Variants in THSD7A observed in about 807,000 individuals in gnomAD.
THSD7A encodes the protein thrombospondin type-1 domain-containing protein 7A.
Under a neutral mutation model 231.3 loss-of-function variants are expected in THSD7A, and 96 were observed. The observed-to-expected ratio is 0.41, with a 90% CI of 0.35 to 0.49. THSD7A has a LOEUF of 0.49. Ranked by LOEUF, THSD7A falls within the 20% of genes least tolerant of loss-of-function variation. The pLI is 0.05. For missense variants in THSD7A, 2,290 were observed against 2,070.2 expected (o/e 1.11, Z -2.06); for synonymous variants, 940 against 743.3 (o/e 1.26, Z -4.30).
intron 6 of THSD7A, among the ~76,000 whole-genome samples, chr7:11,514,696 T>G (rs1012031756): frequency 6.6e-6 from 1 of 152,206 alleles, no homozygotes; most frequent in Non-Finnish European, 1.5e-5. Context: ...TTTCACAAAA[T>G]TTTTCAACAG....
chr7:11,640,852 CT>C (rs1562433538), intron 1 of THSD7A, among the ~76,000 whole-genome samples: 3 of 152,026 alleles, frequency 2.0e-5, no homozygotes, highest in Admixed American at 2.0e-4. Flanking sequence ...ATCAAATGTT[CT>C]TTTCCCACTT....
At chr7:11,495,435 C>A (rs1021311789) in intron 6 of THSD7A, among the ~76,000 whole-genome samples, 3 of 152,024 alleles carry the variant, frequency 2.0e-5, no homozygotes, top group Non-Finnish European at 4.4e-5. Context: ...AATGCTTTTG[C>A]CAAAGATCAG....
At chr7:11,544,001 A>G (rs1789264307) in intron 4 of THSD7A, among the ~76,000 whole-genome samples, 1 of 152,138 alleles carries the variant, frequency 6.6e-6, no homozygotes, top group East Asian at 1.9e-4. Flanking sequence ...TCTATATAAT[A>G]TCTGTCTGTC....
chr7:11,726,996 T>C (rs1472954359), intron 1 of THSD7A, among the ~76,000 whole-genome samples: 1 of 152,014 alleles, frequency 6.6e-6, no homozygotes, highest in East Asian at 2.0e-4. Flanking sequence ...ACGTGATACA[T>C]GCACCACGAA....
chr7:11,665,405 AC>A (rs756250669), intron 1 of THSD7A, among the ~76,000 whole-genome samples: 3 of 151,988 alleles, frequency 2.0e-5, no homozygotes, highest in Non-Finnish European at 4.4e-5. Context: ...GAGACCTAAA[AC>A]CCCAGAGGAA....
intron 1 of THSD7A, among the ~76,000 whole-genome samples, chr7:11,777,329 G>A (rs555838980): frequency 3.3e-5 from 5 of 151,924 alleles, no homozygotes; most frequent in African/African-American, 9.7e-5. Context: ...AAATGCTAGA[G>A]CCAACAGACC....
chr7:11,767,287 A>G (rs1783058900), intron 1 of THSD7A, among the ~76,000 whole-genome samples: 1 of 152,202 alleles, frequency 6.6e-6, no homozygotes, highest in South Asian at 2.1e-4. Context: ...AAAGCCAGTC[A>G]TTATGATGAC....
intron 13 of THSD7A, 37 bp from the exon 14 acceptor site, chr7:11,429,162 C>T: frequency 6.6e-7 from 1 of 1,522,092 alleles, no homozygotes; most frequent in Non-Finnish European, 8.8e-7. Context: ...TCATCTCCTC[C>T]ACCTGTCACT....
chr7:11,561,594 G>A (rs143641026), intron 4 of THSD7A, among the ~76,000 whole-genome samples: 48 of 152,186 alleles, frequency 3.2e-4, no homozygotes, highest in African/African-American at 9.9e-4. Context: ...ACTGAGGCCA[G>A]GTGTGTTGGC....
chr7:11,646,489 G>A (rs191383818), intron 1 of THSD7A, among the ~76,000 whole-genome samples: 126 of 152,146 alleles, frequency 8.3e-4, no homozygotes, highest in African/African-American at 2.8e-3. Context: ...ATGTTTGTGA[G>A]TGTTTAAAAT....
chr7:11,451,004 A>C (rs1436477978), intron 11 of THSD7A, among the ~76,000 whole-genome samples: 1 of 152,018 alleles, frequency 6.6e-6, no homozygotes, highest in East Asian at 1.9e-4. Context: ...TTTTTATTTA[A>C]GTGATATAGG....
intron 2 of THSD7A, among the ~76,000 whole-genome samples, chr7:11,599,280 T>C (rs576841460): frequency 1.3e-5 from 2 of 152,306 alleles, no homozygotes; most frequent in African/African-American, 4.8e-5. Flanking sequence ...AATGAAAGTT[T>C]GGGTCACTCC....
chr7:11,748,346 A>T (rs1446627185), intron 1 of THSD7A, among the ~76,000 whole-genome samples: 3 of 152,020 alleles, frequency 2.0e-5, no homozygotes, highest in African/African-American at 7.2e-5. Context: ...AGGTGACTCA[A>T]ACTTACTCAT....
chr7:11,616,922 ATG>A (rs557350979), intron 2 of THSD7A, among the ~76,000 whole-genome samples: 3 of 152,204 alleles, frequency 2.0e-5, no homozygotes, highest in Non-Finnish European at 2.9e-5. Context: ...ATTCATTTAA[ATG>A]TTTTTATTTT....
At chr7:11,719,800 G>A (rs530160570) in intron 1 of THSD7A, among the ~76,000 whole-genome samples, 1 of 151,802 alleles carries the variant, frequency 6.6e-6, no homozygotes, top group East Asian at 2.0e-4. Flanking sequence ...ATAGATCAAT[G>A]GGGAAGAGGC....
intron 1 of THSD7A, among the ~76,000 whole-genome samples, chr7:11,769,153 A>ATTTTTTTTT (rs1227041855): frequency 3.6e-5 from 1 of 27,648 alleles, no homozygotes; most frequent in African/African-American, 1.2e-4. Flanking sequence ...ATATATATAT[A>ATTTTTTTTT]TTTTTTTTTT....
At chr7:11,796,896 T>C (rs1291582475) in intron 1 of THSD7A, among the ~76,000 whole-genome samples, 1 of 152,120 alleles carries the variant, frequency 6.6e-6, no homozygotes, top group Non-Finnish European at 1.5e-5. Flanking sequence ...TTAAAGTGTA[T>C]ACTAAAATAG....
Position 11,427,364 on chromosome 7 carries a change from T to C in THSD7A, c.3244-693A>G, listed in dbSNP as rs192058463. 4.0e-3 allele frequency among the ~76,000 whole-genome samples: 615 copies of C among 152,312 alleles called. 4 individuals are homozygous for C. Among genetic ancestry groups the C allele is most frequent in the African/African-American group, 0.014 (591 of 41,590 alleles). On this transcript the variant is annotated intron_variant, in intron 14 of 27. Coordinates refer to ENST00000423059, the MANE Select transcript of THSD7A (RefSeq NM_015204.3). ...TTTATTATTTGTTTTAGCTTTGATTTTTCAGTTGTTAATGTCTCAGTAAGC... is the reference window on the plus strand; with the variant it reads ...TTTATTATTTGTTTTAGCTTTGATTCTTCAGTTGTTAATGTCTCAGTAAGC...
intron 2 of THSD7A, among the ~76,000 whole-genome samples, chr7:11,633,262 C>T (rs543927483): frequency 6.6e-6 from 1 of 152,260 alleles, no homozygotes; most frequent in East Asian, 1.9e-4. Flanking sequence ...TTTCACCCAG[C>T]CTGGCTGGAA....
Sources: allele counts gnomAD v4.1 joint callset (sites outside exome capture counted in the v4.1 genomes callset), GRCh38; gene constraint gnomAD v4.1.1; transcripts MANE v1.5; gene names NCBI Gene and HGNC (gene_info 2026-07-23, HGNC 2026-07-21).